Variants in CEP128 observed in about 807,000 individuals in gnomAD.
CEP128 encodes centrosomal protein 128kDa.
CEP128 carries 132 observed loss-of-function variants against 156.7 expected under a neutral mutation model. The ratio of observed to expected loss-of-function variants is 0.84; its 90% confidence interval spans 0.73 to 0.97. The LOEUF (loss-of-function observed/expected upper bound fraction) is 0.97, where lower values mean the gene tolerates loss of function less well. CEP128 is among the 50% of genes least tolerant of loss of function. CEP128 has a pLI of 0.00. For missense variants in CEP128, 1,252 were observed against 1,281.9 expected, an observed-to-expected ratio of 0.98 and a Z score of 0.36; for synonymous variants, 469 against 448.9, an observed-to-expected ratio of 1.04 and a Z score of -0.57.
At chr14:80,821,679 AT>A (rs540217060) in intron 13 of CEP128, among the ~76,000 whole-genome samples, 60 of 143,238 alleles carry the variant, frequency 4.2e-4, no homozygotes, top group South Asian at 1.1e-3. Flanking sequence ...GCCCCATTTA[AT>A]TTTTTTTTTT....
rs571847163 is a variant in CEP128 at position 80,644,348 on chromosome 14, C to T, written c.2807-63925G>A. On this transcript the variant is annotated intron_variant, in intron 19 of 24. Transcript: ENST00000555265. Reference sequence around the variant, plus strand: ...CTGTCATATGCACATTGGAGATAAACGTTTAGGACTCCCCTAAAATACTTG... The same window carrying T: ...CTGTCATATGCACATTGGAGATAAATGTTTAGGACTCCCCTAAAATACTTG... Among the ~76,000 whole-genome samples, 37 of 152,258 alleles carry T rather than the reference C, an allele frequency of 2.4e-4. No individual in the cohort carries two copies. In the South Asian group the frequency reaches 5.2e-3, roughly 21 times the overall value.
chr14:80,532,030 T>G (rs1396787664), intron 21 of CEP128, among the ~76,000 whole-genome samples: 3 of 152,176 alleles, frequency 2.0e-5, no homozygotes, highest in Non-Finnish European at 4.4e-5. Context: ...TAACCTCTAC[T>G]GTGTTAAGCC....
At chr14:80,895,083 G>A (rs1443002049) in intron 8 of CEP128, among the ~76,000 whole-genome samples, 3 of 151,704 alleles carry the variant, frequency 2.0e-5, no homozygotes, top group Non-Finnish European at 4.4e-5. Context: ...CTCCTAAAAA[G>A]AAAAACAATA....
intron 6 of CEP128, among the ~76,000 whole-genome samples, 154 bp downstream of exon 6, chr14:80,904,659 C>T (rs1300294067): frequency 6.6e-6 from 1 of 151,962 alleles, no homozygotes; most frequent in Admixed American, 6.6e-5. Flanking sequence ...AAGTAAAAGT[C>T]GTTTACTTGG....
intron 15 of CEP128, among the ~76,000 whole-genome samples, chr14:80,781,318 G>A (rs867323011): frequency 2.1e-4 from 32 of 152,112 alleles, no homozygotes; most frequent in South Asian, 8.3e-4. Context: ...TTAGCTGGGC[G>A]TGGTGGTGCG....
At chr14:80,822,335 C>T (rs1428726651) in intron 13 of CEP128, among the ~76,000 whole-genome samples, 3 of 152,146 alleles carry the variant, frequency 2.0e-5, no homozygotes, top group African/African-American at 7.2e-5. Flanking sequence ...TACAGCCATT[C>T]CAAATGAAAG....
intron 16 of CEP128, among the ~76,000 whole-genome samples, chr14:80,772,085 C>A (rs993521392): frequency 6.6e-6 from 1 of 152,140 alleles, no homozygotes; most frequent in African/African-American, 2.4e-5. Flanking sequence ...ACAGTACACA[C>A]GGAAATATGG....
rs150495641 is a variant in CEP128 at position 80,711,984 on chromosome 14, G to A, written c.2806+31091C>T. On this transcript the variant is annotated intron_variant, in intron 19 of 24. Transcript: ENST00000555265. ...TTTTCTGCTACAAACATAAGTATAC[G>A]AACTTAATTTGTTCCTTGTAATCTA... 1.7e-3 allele frequency among the ~76,000 whole-genome samples: 253 copies of A among 151,994 alleles called. 2 individuals carry two copies. The highest frequency in any genetic ancestry group is 5.4e-3 in the African/African-American group (226 of 41,494).
chr14:80,832,090 T>C (rs755120092), intron 12 of CEP128, among the ~76,000 whole-genome samples: 2 of 152,134 alleles, frequency 1.3e-5, no homozygotes, highest in Non-Finnish European at 2.9e-5. Context: ...AAAGGAGAGT[T>C]CCCCTACACA....
At chr14:80,642,760 C>A (rs1894471790) in intron 19 of CEP128, among the ~76,000 whole-genome samples, 1 of 145,298 alleles carries the variant, frequency 6.9e-6, no homozygotes, top group African/African-American at 2.5e-5. Flanking sequence ...ACTTGACCCC[C>A]TTTTTTTTTT....
chr14:80,636,269 A>T (rs192047030), intron 19 of CEP128, among the ~76,000 whole-genome samples: 2 of 152,326 alleles, frequency 1.3e-5, no homozygotes, highest in East Asian at 3.9e-4. Context: ...TAAAACTTAT[A>T]AATAAGTGAG....
At chr14:80,738,403 G>A (rs1173375440) in intron 19 of CEP128, among the ~76,000 whole-genome samples, 2 of 152,074 alleles carry the variant, frequency 1.3e-5, no homozygotes, top group African/African-American at 4.8e-5. Flanking sequence ...CAGAACACTG[G>A]GAATGATGAA....
chr14:80,769,196 T>G (rs184864318), intron 16 of CEP128, among the ~76,000 whole-genome samples: 93 of 151,966 alleles, frequency 6.1e-4, no homozygotes, highest in African/African-American at 2.0e-3. Flanking sequence ...GAAATGTTTA[T>G]AAGGTTACAG....
intron 19 of CEP128, among the ~76,000 whole-genome samples, chr14:80,674,974 TAAGGACCTGTTTC>T (rs1297505171): frequency 6.6e-6 from 1 of 152,002 alleles, no homozygotes; most frequent in Non-Finnish European, 1.5e-5. Context: ...TTGTTTAAAG[TAAGGACCTGTTTC>T]AAGGGTCTAA....
chr14:80,865,677 G>A (rs1887734264), intron 8 of CEP128, among the ~76,000 whole-genome samples: 1 of 152,070 alleles, frequency 6.6e-6, no homozygotes, highest in Non-Finnish European at 1.5e-5. Flanking sequence ...GCAAAAAACT[G>A]ACTTCCAATT....
intron 19 of CEP128, among the ~76,000 whole-genome samples, chr14:80,678,040 TAAA>T (rs754768782): frequency 1.2e-4 from 4 of 32,544 alleles, no homozygotes; most frequent in Admixed American, 8.1e-4. Flanking sequence ...AGTTGCTCTA[TAAA>T]AAAAAAATAT....
intron 14 of CEP128, among the ~76,000 whole-genome samples, chr14:80,479,421 G>A (rs1236446166): frequency 6.6e-6 from 1 of 152,140 alleles, no homozygotes; most frequent in African/African-American, 2.4e-5. Flanking sequence ...ATCATGGTGG[G>A]AGGTGAAAGG....
chr14:80,919,587 A>T (rs1437533240), intron 2 of CEP128, among the ~76,000 whole-genome samples: 1 of 152,170 alleles, frequency 6.6e-6, no homozygotes, highest in Non-Finnish European at 1.5e-5. Flanking sequence ...AGGCATGGGT[A>T]CCTCAAAGTC....
intron 13 of CEP128, among the ~76,000 whole-genome samples, chr14:80,808,437 C>T (rs1396730927): frequency 6.6e-6 from 1 of 152,152 alleles, no homozygotes; most frequent in Admixed American, 6.5e-5. Flanking sequence ...CTACCAACAA[C>T]ACCAGCATAC....
Sources: gnomAD v4.1 joint callset for allele counts (sites outside exome capture counted in the v4.1 genomes callset) on GRCh38, gnomAD v4.1.1 for gene constraint, MANE v1.5 for transcripts, NCBI Gene and HGNC (gene_info 2026-07-23, HGNC 2026-07-21) for gene names.